The following SGCZ variants were observed in gnomAD, a reference collection of about 807,000 sequenced individuals.
The protein encoded by SGCZ is zeta-sarcoglycan.
Under a neutral mutation model 41.3 loss-of-function variants are expected in SGCZ, and 40 were observed. That is an observed-to-expected ratio of 0.97 (90% CI 0.75 to 1.26). The LOEUF (loss-of-function observed/expected upper bound fraction) is 1.26. Among genes scored for constraint, SGCZ ranks in the 50% most tolerant of loss-of-function variants. SGCZ has a pLI of 0.00. For missense variants in SGCZ, 552 were observed against 369.8 expected (o/e 1.49, Z -4.04); for synonymous variants, 206 against 137.5 (o/e 1.50, Z -3.49).
At chr8:14,643,075 T>C (rs1444612745) in intron 1 of SGCZ, among the ~76,000 whole-genome samples, 1 of 151,700 alleles carries the variant, frequency 6.6e-6, no homozygotes, top group Non-Finnish European at 1.5e-5. Context: ...TTGCTTTCAA[T>C]GAAATATTTT....
chr8:14,923,372 G>C (rs557698569), intron 1 of SGCZ, among the ~76,000 whole-genome samples: 22 of 152,262 alleles, frequency 1.4e-4, no homozygotes, highest in African/African-American at 5.3e-4. Flanking sequence ...TTAATATTCA[G>C]AGAATAAGAA....
chr8:14,334,738 C>G lies in SGCZ; in HGVS notation c.235-10534G>C, dbSNP rs1291049246. On this transcript the variant is annotated intron_variant, in intron 2 of 7. Transcript: ENST00000382080. The stretch of plus-strand genomic sequence containing the variant: ...GTGCTTATAAAGTCCTCCATGAAAA[C>G]GAAGCCATCTGAACAAACTATGGTT... 3.9e-5 allele frequency among the ~76,000 whole-genome samples: 6 copies of G among 152,008 alleles called. No individual in the cohort carries two copies. The South Asian group carries it at 1.0e-3, about 26-fold the overall frequency.
chr8:14,342,489 G>A (rs946497977), intron 2 of SGCZ, among the ~76,000 whole-genome samples: 1 of 151,908 alleles, frequency 6.6e-6, no homozygotes, highest in Non-Finnish European at 1.5e-5. Flanking sequence ...CTAATTTTTT[G>A]TATTTTTAGT....
In SGCZ at chr8:14,639,054, T is replaced by TTG. The variant is rs34812576; in HGVS notation, c.40-84129_40-84128insCA. ...AACTGGAATCTTTTTTTTTTTTTTT[T>TTG]GTCTTTTTTTGAGAGGGAATTTTGC... On this transcript the variant is annotated intron_variant, in intron 1 of 7. Transcript: ENST00000382080. Among the ~76,000 whole-genome samples the TTG allele has an allele frequency of 3.6e-4, 50 of 140,706 alleles. 1 individual carries two copies. The highest frequency in any genetic ancestry group is 1.2e-3 in the African/African-American group (44 of 37,340). The allele number at this position is 140,706 out of a possible 152,430, so 92.3% of individuals were successfully genotyped here.
intron 1 of SGCZ, among the ~76,000 whole-genome samples, chr8:14,722,081 A>C (rs569160731): frequency 6.6e-6 from 1 of 151,392 alleles, no homozygotes; most frequent in Non-Finnish European, 1.5e-5. Flanking sequence ...CAAAATCTCA[A>C]CTCTGTTTGT....
At chr8:14,469,127 C>A (rs1005771320) in intron 2 of SGCZ, among the ~76,000 whole-genome samples, 3 of 152,034 alleles carry the variant, frequency 2.0e-5, no homozygotes, top group African/African-American at 7.2e-5. Flanking sequence ...TACCCCTCCA[C>A]TTTTTGCTTC....
intron 3 of SGCZ, among the ~76,000 whole-genome samples, chr8:14,250,395 G>C (rs996202185): frequency 6.6e-6 from 1 of 152,022 alleles, no homozygotes; most frequent in Non-Finnish European, 1.5e-5. Context: ...TTTTTTTAAA[G>C]CAATACTGCA....
chr8:14,977,245 C>G (rs918847606), intron 1 of SGCZ, among the ~76,000 whole-genome samples: 2 of 152,166 alleles, frequency 1.3e-5, no homozygotes, highest in African/African-American at 4.8e-5. Context: ...TCCCTCCCCA[C>G]AGATCTCTTT....
intron 1 of SGCZ, among the ~76,000 whole-genome samples, chr8:14,659,162 A>G: frequency 6.6e-6 from 1 of 152,136 alleles, no homozygotes; most frequent in East Asian, 1.9e-4. Context: ...TGGAAATACT[A>G]GTTTTGGTAT....
chr8:14,413,284 G>A (rs2117282877), intron 2 of SGCZ, among the ~76,000 whole-genome samples: 2 of 152,058 alleles, frequency 1.3e-5, no homozygotes, highest in South Asian at 4.1e-4. Flanking sequence ...TTATTCTCAG[G>A]AAGTTCAGAA....
intron 5 of SGCZ, among the ~76,000 whole-genome samples, chr8:14,131,058 G>A (rs181454749): frequency 6.6e-5 from 10 of 152,246 alleles, no homozygotes; most frequent in Non-Finnish European, 1.5e-4. Flanking sequence ...GATCTGTTTG[G>A]AACGCTGTCC....
At chr8:14,105,668 A>G (rs1325162146) in intron 6 of SGCZ, among the ~76,000 whole-genome samples, 1 of 152,146 alleles carries the variant, frequency 6.6e-6, no homozygotes, top group Non-Finnish European at 1.5e-5. Flanking sequence ...GTCTGCTTTT[A>G]GAACCAGCTG....
At chr8:14,722,334 T>C (rs1470665018) in intron 1 of SGCZ, among the ~76,000 whole-genome samples, 1 of 152,096 alleles carries the variant, frequency 6.6e-6, no homozygotes, top group Non-Finnish European at 1.5e-5. Context: ...GTAGGAACAC[T>C]AAGCAATAAT....
intron 3 of SGCZ, among the ~76,000 whole-genome samples, chr8:14,271,798 G>T (rs983923712): frequency 2.0e-5 from 3 of 152,060 alleles, no homozygotes; most frequent in African/African-American, 7.2e-5. Context: ...TCTACTGTAA[G>T]GCATTTTTGC....
intron 2 of SGCZ, among the ~76,000 whole-genome samples, chr8:14,434,420 T>C (rs1393268491): frequency 6.6e-6 from 1 of 152,246 alleles, no homozygotes; most frequent in Non-Finnish European, 1.5e-5. Context: ...AGATTTGTTC[T>C]TTTTGTTTAG....
At chr8:14,681,602 C>T (rs1030695666) in intron 1 of SGCZ, among the ~76,000 whole-genome samples, 6 of 152,150 alleles carry the variant, frequency 3.9e-5, no homozygotes, top group African/African-American at 1.4e-4. Context: ...ATACCTCATT[C>T]ATATATGTAA....
intron 2 of SGCZ, among the ~76,000 whole-genome samples, chr8:14,345,180 G>C (rs1168273120): frequency 6.6e-6 from 1 of 151,998 alleles, no homozygotes; most frequent in Admixed American, 6.6e-5. Flanking sequence ...ATGAAAAGGT[G>C]GTTAACCTCA....
At chr8:14,827,155 A>G (rs2130587904) in intron 1 of SGCZ, among the ~76,000 whole-genome samples, 1 of 133,680 alleles carries the variant, frequency 7.5e-6, no homozygotes, top group East Asian at 2.8e-4. Context: ...AGTTCCAAGA[A>G]TGGAAGTTTC....
chr8:14,470,283 G>C (rs916727557), intron 2 of SGCZ, among the ~76,000 whole-genome samples: 1 of 152,058 alleles, frequency 6.6e-6, no homozygotes, highest in South Asian at 2.1e-4. Flanking sequence ...CACACAATGA[G>C]GTTATTTCTT....
Sources: allele counts gnomAD v4.1 joint callset (sites outside exome capture counted in the v4.1 genomes callset), GRCh38; gene constraint gnomAD v4.1.1; transcripts MANE v1.5; gene names NCBI Gene and HGNC (gene_info 2026-07-23, HGNC 2026-07-21).